Variants in TMEM132D observed in about 807,000 individuals in gnomAD.
The protein encoded by TMEM132D is mature OL transmembrane protein.
A neutral mutation model predicts 62.3 loss-of-function variants in TMEM132D; 21 were observed. The ratio of observed to expected loss-of-function variants is 0.34; its 90% CI spans 0.24 to 0.49. TMEM132D has a LOEUF of 0.49. Among genes scored for constraint, TMEM132D ranks in the 20% least tolerant of loss-of-function variants. The pLI is 0.99. For synonymous variants in TMEM132D, 621 were observed against 575.6 expected (o/e 1.08, Z -1.13); for missense variants, 1,346 against 1,402.8 (o/e 0.96, Z 0.65).
At chr12:129,525,081 A>G (rs1039818652) in intron 3 of TMEM132D, among the ~76,000 whole-genome samples, 17 of 149,540 alleles carry the variant, frequency 1.1e-4, no homozygotes, top group African/African-American at 3.7e-4. Flanking sequence ...GCCCGCCACC[A>G]CACTCAGCTA....
chr12:129,739,195 C>T (rs1377567051), intron 1 of TMEM132D, among the ~76,000 whole-genome samples: 1 of 152,188 alleles, frequency 6.6e-6, no homozygotes, highest in Non-Finnish European at 1.5e-5. Flanking sequence ...GGGTCCCAGT[C>T]CTGCATCCTG....
At chr12:129,150,018 T>C (rs1454649643) in intron 5 of TMEM132D, among the ~76,000 whole-genome samples, 4 of 152,230 alleles carry the variant, frequency 2.6e-5, no homozygotes, top group African/African-American at 7.2e-5. Context: ...GACGTATTCA[T>C]TGCATTTCGT....
intron 2 of TMEM132D, among the ~76,000 whole-genome samples, chr12:129,552,089 T>C (rs1037560869): frequency 6.6e-6 from 1 of 152,130 alleles, no homozygotes; most frequent in Non-Finnish European, 1.5e-5. Flanking sequence ...TGAGAGTAAA[T>C]GAATAAGTTG....
chr12:129,835,394 G>A (rs554722398), intron 1 of TMEM132D, among the ~76,000 whole-genome samples: 4 of 152,028 alleles, frequency 2.6e-5, no homozygotes, highest in East Asian at 3.9e-4. Context: ...AGGTTCAAGC[G>A]ATCCTCCTGC....
chr12:129,370,218 G>A (rs2135680320), intron 3 of TMEM132D, among the ~76,000 whole-genome samples: 1 of 152,332 alleles, frequency 6.6e-6, no homozygotes, highest in East Asian at 1.9e-4. Context: ...CACAGGAATT[G>A]ACACAAAGTC....
At chr12:129,544,236 G>T (rs367564872) in intron 2 of TMEM132D, among the ~76,000 whole-genome samples, 1 of 152,034 alleles carries the variant, frequency 6.6e-6, no homozygotes, top group Non-Finnish European at 1.5e-5. Context: ...TAAGTTAAAC[G>T]TCTGTTCAAA....
chr12:129,343,645 C>T (rs1294357367), intron 3 of TMEM132D, among the ~76,000 whole-genome samples: 1 of 151,950 alleles, frequency 6.6e-6, no homozygotes, highest in Non-Finnish European at 1.5e-5. Flanking sequence ...GGCGTGGTGG[C>T]TCATGCCTGT....
intron 3 of TMEM132D, among the ~76,000 whole-genome samples, chr12:129,493,586 A>G (rs1389851522): frequency 6.6e-6 from 1 of 152,246 alleles, no homozygotes; most frequent in Non-Finnish European, 1.5e-5. Flanking sequence ...TAATACAGCT[A>G]TATGTATGCA....
intron 5 of TMEM132D, among the ~76,000 whole-genome samples, chr12:129,127,070 T>G (rs1876233882): frequency 2.0e-5 from 3 of 152,210 alleles, no homozygotes; most frequent in African/African-American, 7.2e-5. Flanking sequence ...ATGACAGACC[T>G]GCCCACCACT....
intron 3 of TMEM132D, among the ~76,000 whole-genome samples, chr12:129,384,973 G>C (rs115175202): frequency 2.6e-5 from 4 of 151,752 alleles, no homozygotes; most frequent in Non-Finnish European, 4.4e-5. Context: ...GTTTACTCAC[G>C]CAGTCTGAAA....
chr12:129,553,660 G>C (rs1351929260), intron 2 of TMEM132D, among the ~76,000 whole-genome samples: 1 of 152,206 alleles, frequency 6.6e-6, no homozygotes, highest in Non-Finnish European at 1.5e-5. Flanking sequence ...ATTGGGAAGA[G>C]ATGCACAAAT....
At chr12:129,658,203 A>G (rs1040126399) in intron 2 of TMEM132D, among the ~76,000 whole-genome samples, 4 of 152,348 alleles carry the variant, frequency 2.6e-5, no homozygotes, top group South Asian at 2.1e-4. Context: ...AAGCAGCATC[A>G]GTAATCCAGT....
At chr12:129,803,779 A>G (rs1231432852) in intron 1 of TMEM132D, among the ~76,000 whole-genome samples, 1 of 151,836 alleles carries the variant, frequency 6.6e-6, no homozygotes, top group East Asian at 1.9e-4. Context: ...TCAACAAAAT[A>G]GATAGACCGC....
At chr12:129,087,776 G>T (rs1874668132) in intron 5 of TMEM132D, among the ~76,000 whole-genome samples, 1 of 152,212 alleles carries the variant, frequency 6.6e-6, no homozygotes, top group African/African-American at 2.4e-5. Context: ...AAGCTGCTGG[G>T]TTTGTGGTGT....
chr12:129,488,997 G>A (rs1874678418), intron 3 of TMEM132D, among the ~76,000 whole-genome samples: 1 of 152,140 alleles, frequency 6.6e-6, no homozygotes. Flanking sequence ...AAGCCCTCTT[G>A]GGAGTTGTCA....
chr12:129,422,979 G>T (rs1872374811), intron 3 of TMEM132D, among the ~76,000 whole-genome samples: 1 of 151,518 alleles, frequency 6.6e-6, no homozygotes, highest in Non-Finnish European at 1.5e-5. Flanking sequence ...AAGCCACAGT[G>T]GAACAACATG....
At chr12:129,203,975 T>C (rs1344839050) in intron 5 of TMEM132D, among the ~76,000 whole-genome samples, 1 of 152,140 alleles carries the variant, frequency 6.6e-6, no homozygotes, top group Non-Finnish European at 1.5e-5. Flanking sequence ...GAACCCACCT[T>C]ATGCCATAAT....
At chr12:129,445,538 G>T (rs1873072734) in intron 3 of TMEM132D, among the ~76,000 whole-genome samples, 1 of 152,106 alleles carries the variant, frequency 6.6e-6, no homozygotes, top group African/African-American at 2.4e-5. Context: ...TTGTCTGTTT[G>T]TCTGAGACTG....
At chr12:129,330,050 T>C (rs1387342590) in intron 4 of TMEM132D, among the ~76,000 whole-genome samples, 2 of 152,108 alleles carry the variant, frequency 1.3e-5, no homozygotes, top group African/African-American at 2.4e-5. Flanking sequence ...GAATCACAGA[T>C]TTAAAGAACA....
Sources: gnomAD v4.1 joint callset for allele counts (sites outside exome capture counted in the v4.1 genomes callset) on GRCh38, gnomAD v4.1.1 for gene constraint, MANE v1.5 for transcripts, NCBI Gene and HGNC (gene_info 2026-07-23, HGNC 2026-07-21) for gene names.